Variants in KAT2B observed in about 807,000 individuals in gnomAD.
The protein encoded by KAT2B is histone acetyltransferase KAT2B.
Under a neutral mutation model 105.9 loss-of-function variants are expected in KAT2B, and 36 were observed. The ratio of observed to expected loss-of-function variants is 0.34; its 90% CI spans 0.26 to 0.45. KAT2B has a LOEUF of 0.45. KAT2B is among the 20% of genes least tolerant of loss of function. KAT2B has a pLI of 1.00. For missense variants in KAT2B, 820 were observed against 1,021.6 expected, an observed-to-expected ratio of 0.80 and a Z score of 2.69; for synonymous variants, 397 against 377.9, an observed-to-expected ratio of 1.05 and a Z score of -0.59.
At chr3:20,106,914 C>G in intron 5 of KAT2B, among the ~76,000 whole-genome samples, 1 of 119,968 alleles carries the variant, frequency 8.3e-6, no homozygotes, top group Admixed American at 1.0e-4. Context: ...TTTCTAGTAG[C>G]TACGTATAAA....
At position 20,040,836 on chromosome 3, in the gene KAT2B, AC is replaced by A. The variant is rs572385399; in HGVS notation, c.303+62del. 4.0e-4 allele frequency: 601 copies of A among 1,490,882 alleles called. 3 individuals are homozygous for A. In the African/African-American group the frequency reaches 6.6e-3, roughly 16 times the overall value. The allele number at this position is 1,490,882 out of a possible 1,614,324, so 92.4% of individuals were successfully genotyped here. A position where few individuals can be genotyped will look rare whatever the true frequency, so the allele number is the denominator to read the frequency against. The stretch of plus-strand genomic sequence containing the variant: ...GGGTGCTAGGGGCCCAGCCCGCGGG[AC>A]CCCCCTCCCCCTCCCGCTTCCACCT... On this transcript the variant is annotated intron_variant, in intron 1 of 17. Transcript: ENST00000263754.
At chr3:20,144,575 C>T (rs976290843) in intron 13 of KAT2B, among the ~76,000 whole-genome samples, 6 of 150,586 alleles carry the variant, frequency 4.0e-5, no homozygotes, top group African/African-American at 1.5e-4. Context: ...AGGCGTGAGC[C>T]ACCAAGCCCA....
intron 2 of KAT2B, among the ~76,000 whole-genome samples, chr3:20,092,942 C>T (rs541282708): frequency 7.6e-4 from 115 of 152,150 alleles, no homozygotes; most frequent in African/African-American, 1.0e-3. Context: ...CCTTGTGATT[C>T]GACTGCCTCA....
intron 13 of KAT2B, among the ~76,000 whole-genome samples, chr3:20,144,800 CTT>C (rs201923590): frequency 2.1e-5 from 3 of 144,114 alleles, no homozygotes. Flanking sequence ...CTTTCTTTTT[CTT>C]TTTTTTTTTT....
chr3:20,047,269 G>A (rs757860653), intron 1 of KAT2B, among the ~76,000 whole-genome samples: 1 of 151,848 alleles, frequency 6.6e-6, no homozygotes, highest in Admixed American at 6.6e-5. Context: ...CCTGGGTTTC[G>A]CCATGTTTAA....
rs1194354449 is a variant in KAT2B at position 20,153,439 on chromosome 3, G to C, written c.*914G>C. 1.3e-5 allele frequency: 2 copies of C among 152,456 alleles called. No homozygotes were observed. Among genetic ancestry groups the C allele is most frequent in the Non-Finnish European group, 1.5e-5 (1 of 67,966 alleles). The allele number at this position is 152,456 out of a possible 1,614,324, so 9.4% of individuals were successfully genotyped here. A position where few individuals can be genotyped will look rare whatever the true frequency, so the allele number is the denominator to read the frequency against. ...AATAAAGGTTCTTTTTCTTTTCTAT[G>C]ATACACACAGCCACGCTGATAATAT... On this transcript the variant is annotated 3_prime_UTR_variant, in exon 18 of 18. Transcript: ENST00000263754.
At chr3:20,103,508 C>T (rs1292755303) in intron 5 of KAT2B, among the ~76,000 whole-genome samples, 1 of 152,086 alleles carries the variant, frequency 6.6e-6, no homozygotes, top group Non-Finnish European at 1.5e-5. Context: ...CTCCTAGACT[C>T]AAGCAATTCA....
At position 20,114,993 on chromosome 3, in the gene KAT2B, GT is replaced by G; in HGVS notation, c.1150+8del. 1.3e-5 allele frequency: 21 copies of G among 1,586,892 alleles called. No homozygotes were observed. Among genetic ancestry groups the G allele is most frequent in the Non-Finnish European group, 1.7e-5 (20 of 1,155,818 alleles). Reference sequence around the variant, plus strand: ...GCCAGCTAGGCATCCAAACAGGTAAGTTTCCTTTTACATGAATCAGAGAACA... The same window carrying G: ...GCCAGCTAGGCATCCAAACAGGTAAGTTCCTTTTACATGAATCAGAGAACA... On this transcript the variant is annotated splice_donor_region_variant and intron_variant, in intron 7 of 17. Coordinates refer to ENST00000263754, the MANE Select transcript of KAT2B (RefSeq NM_003884.5).
rs1697703734 is a variant in KAT2B at position 20,040,854 on chromosome 3, C to T, written c.303+74C>T. 21 of 1,444,184 alleles carry T rather than the reference C, an allele frequency of 1.5e-5. 1 individual carries two copies. In the South Asian group the frequency reaches 2.7e-4, roughly 19 times the overall value. 89.5% of individuals were successfully genotyped at this position (1,444,184 alleles called of 1,614,324 possible). A position where few individuals can be genotyped will look rare whatever the true frequency, so the allele number is the denominator to read the frequency against. ...CCGCGGGACCCCCCTCCCCCTCCCG[C>T]TTCCACCTCCGCCTCCCGCCTCCTG... On this transcript the variant is annotated intron_variant, in intron 1 of 17. Transcript: ENST00000263754.
At chr3:20,146,493 C>A in intron 14 of KAT2B, 63 bp downstream of exon 14, 1 of 910,436 alleles carries the variant, frequency 1.1e-6, no homozygotes, top group Non-Finnish European at 1.8e-6. Flanking sequence ...GTGTTTGAAA[C>A]AATTTCCAGA....
intron 12 of KAT2B, among the ~76,000 whole-genome samples, chr3:20,140,012 A>G (rs1047562859): frequency 5.3e-5 from 8 of 152,184 alleles, no homozygotes; most frequent in Non-Finnish European, 8.8e-5. Context: ...GGCCATTTAA[A>G]AAATGTTGTC....
chr3:20,093,853 TAA>T (rs935773330), intron 2 of KAT2B, among the ~76,000 whole-genome samples: 4 of 152,094 alleles, frequency 2.6e-5, no homozygotes, highest in African/African-American at 9.7e-5. Flanking sequence ...ATAACAGAAA[TAA>T]AAGACATGAT....
chr3:20,048,591 G>T (rs529769971), intron 1 of KAT2B, among the ~76,000 whole-genome samples: 3 of 152,294 alleles, frequency 2.0e-5, no homozygotes, highest in South Asian at 4.1e-4. Flanking sequence ...CCTGGGAGCA[G>T]TCAGCACATC....
intron 1 of KAT2B, among the ~76,000 whole-genome samples, chr3:20,059,380 G>C (rs1169530279): frequency 8.4e-6 from 1 of 118,752 alleles, no homozygotes; most frequent in Non-Finnish European, 1.6e-5. Context: ...TCATGCCACT[G>C]TACTCCAGCC....
At chr3:20,067,437 T>G (rs1348928046) in intron 1 of KAT2B, among the ~76,000 whole-genome samples, 2 of 152,170 alleles carry the variant, frequency 1.3e-5, no homozygotes, top group Non-Finnish European at 2.9e-5. Context: ...CAGCCATTAT[T>G]CTCTGTCATG....
In KAT2B at chr3:20,072,492, G is replaced by A. The variant is rs754030761; in HGVS notation, c.430+33G>A. On this transcript the variant is annotated intron_variant, in intron 2 of 17. Transcript: ENST00000263754. ...CCTAAATCTTCAAGGAAAGTATAAC[G>A]AGTTCATTGTAGCGTGAGACTCTTA... 1.2e-5 allele frequency: 20 copies of A among 1,604,480 alleles called. 1 individual carries two copies. The Middle Eastern group carries it at 2.8e-3, about 226-fold the overall frequency.
chr3:20,072,438 C>T lies in KAT2B; in HGVS notation c.409C>T (p.Arg137Trp), dbSNP rs1231069240. ...AATTGTCAGTCTAACAGAATCCTGT[C>T]GGAGTTGTAGCCATGCCCTAGGTGA... ...QIIVSLTESC[R>W]SCSHALAAHV... The change falls in exon 2 of 18, where the codon CGG (arginine) becomes TGG (tryptophan). Residue 137 changes from arginine to tryptophan, a missense_variant. Physicochemically the swap from Arg to Trp is moderately radical, Grantham distance 101. Transcript: ENST00000263754. The T allele has an allele frequency of 6.2e-6, 10 of 1,613,756 alleles. No individual in the cohort carries two copies. Among genetic ancestry groups the T allele is most frequent in the South Asian group, 1.1e-5 (1 of 91,074 alleles).
intron 2 of KAT2B, among the ~76,000 whole-genome samples, chr3:20,084,051 G>A (rs1698570898): frequency 6.6e-6 from 1 of 152,188 alleles, no homozygotes; most frequent in African/African-American, 2.4e-5. Context: ...GGTGAGAGCT[G>A]AAAAGGATTT....
intron 3 of KAT2B, among the ~76,000 whole-genome samples, chr3:20,096,551 G>A (rs1029696699): frequency 6.6e-6 from 1 of 152,192 alleles, no homozygotes; most frequent in African/African-American, 2.4e-5. Context: ...CAAAACAAAA[G>A]CACTCAGAGC....
Sources: gnomAD v4.1 joint callset for allele counts (sites outside exome capture counted in the v4.1 genomes callset) on GRCh38, gnomAD v4.1.1 for gene constraint, MANE v1.5 for transcripts, NCBI Gene and HGNC (gene_info 2026-07-23, HGNC 2026-07-21) for gene names.